NGLY1: variants seen among roughly 807,000 people sequenced by gnomAD.
NGLY1 encodes the protein peptide-N(4)-(N-acetyl-beta-glucosaminyl)asparagine amidase.
Under a neutral mutation model 84.6 loss-of-function variants are expected in NGLY1, and 68 were observed. That is an observed-to-expected ratio of 0.80 (90% CI 0.66 to 0.98). NGLY1 has a LOEUF of 0.98. Ranked by LOEUF, NGLY1 falls within the 50% of genes least tolerant of loss-of-function variation. The probability of loss-of-function intolerance (pLI) is 0.00; values close to 1 mark genes in which losing one functional copy is unlikely to be tolerated. For missense variants in NGLY1, 779 were observed against 770.2 expected, an observed-to-expected ratio of 1.01 and a Z score of -0.14; for synonymous variants, 280 against 275.2, an observed-to-expected ratio of 1.02 and a Z score of -0.17.
intron 10 of NGLY1, among the ~76,000 whole-genome samples, chr3:25,723,668 A>G (rs565180933): frequency 2.8e-4 from 43 of 151,818 alleles, no homozygotes; most frequent in African/African-American, 9.9e-4. Context: ...TAGTGTAGAG[A>G]AAAAAAATTT....
At chr3:25,760,229 T>C (rs564419410) in intron 3 of NGLY1, among the ~76,000 whole-genome samples, 1 of 152,286 alleles carries the variant, frequency 6.6e-6, no homozygotes, top group South Asian at 2.1e-4. Flanking sequence ...AAGATGTTTG[T>C]GTATGGCCTT....
intron 3 of NGLY1, among the ~76,000 whole-genome samples, chr3:25,761,117 GTAA>G (rs1254963941): frequency 6.6e-6 from 1 of 152,054 alleles, no homozygotes; most frequent in Non-Finnish European, 1.5e-5. Flanking sequence ...TAAACTGGCA[GTAA>G]TTTCTAGAGT....
intron 4 of NGLY1, among the ~76,000 whole-genome samples, chr3:25,743,288 T>C (rs900417536): frequency 2.1e-4 from 32 of 152,318 alleles, no homozygotes; most frequent in African/African-American, 7.7e-4. Flanking sequence ...TAATTTGTTA[T>C]AGTAGCCCCA....
intron 2 of NGLY1, among the ~76,000 whole-genome samples, chr3:25,773,352 T>C (rs185334308): frequency 6.6e-6 from 1 of 152,292 alleles, no homozygotes; most frequent in African/African-American, 2.4e-5. Flanking sequence ...TTTGTTGGAT[T>C]GGGTTAATAC....
chr3:25,723,722 T>C (rs1401529989), intron 10 of NGLY1, among the ~76,000 whole-genome samples: 1 of 152,234 alleles, frequency 6.6e-6, no homozygotes, highest in Non-Finnish European at 1.5e-5. Context: ...AGTTATTTGA[T>C]AGACATATTT....
intron 4 of NGLY1, among the ~76,000 whole-genome samples, chr3:25,743,645 T>G (rs900301645): frequency 2.6e-5 from 4 of 152,122 alleles, no homozygotes; most frequent in African/African-American, 9.7e-5. Context: ...ACACTTAGTG[T>G]TCTGCTTGCT....
chr3:25,784,070 A>G (rs1470898152), upstream of NGLY1: 1 of 152,228 alleles, frequency 6.6e-6, no homozygotes, highest in Non-Finnish European at 1.5e-5. Flanking sequence ...GCAGATTGTC[A>G]GGACGTTCTA....
chr3:25,755,773 C>A, intron 3 of NGLY1: 1 of 742,438 alleles, frequency 1.3e-6, no homozygotes, highest in Non-Finnish European at 2.2e-6. Flanking sequence ...CTCGTTTTAC[C>A]TTAAAAGACT....
exon 1 of NGLY1, chr3:25,789,984 C>G: frequency 7.8e-7 from 1 of 1,281,188 alleles, no homozygotes; most frequent in East Asian, 2.5e-5. Context: ...CAAGGTGACG[C>G]GGCTTAAAGT....
chr3:25,730,819 CTTTAA>C (rs1340863392), intron 9 of NGLY1, among the ~76,000 whole-genome samples: 1 of 152,066 alleles, frequency 6.6e-6, no homozygotes, highest in African/African-American at 2.4e-5. Flanking sequence ...ATAAATACAA[CTTTAA>C]TTTGTTTGGA....
chr3:25,721,415 A>C (rs1360907663), intron 10 of NGLY1, among the ~76,000 whole-genome samples: 1 of 152,140 alleles, frequency 6.6e-6, no homozygotes, highest in South Asian at 2.1e-4. Context: ...ATGTACAGCA[A>C]GTACTTGGTT....
At chr3:25,783,600 G>A (rs1708530797), upstream of NGLY1, 1 of 429,546 alleles carries the variant, frequency 2.3e-6, no homozygotes, top group East Asian at 5.9e-5. This position sits in a 1 kb window ranked among gnomAD's most constrained non-coding sequence, Gnocchi z 4.5. Flanking sequence ...GCCGGCAGGG[G>A]CGGGGTCGGG....
Position 25,783,439 on chromosome 3 carries a change from A to T in NGLY1, c.-49T>A. 6.8e-7 allele frequency: 1 copy of T among 1,478,718 alleles called. No homozygotes were observed. The highest frequency in any genetic ancestry group is 1.3e-5 in the South Asian group (1 of 76,578). The allele number at this position is 1,478,718 out of a possible 1,614,324, so 91.6% of individuals were successfully genotyped here. On this transcript the variant is annotated 5_prime_UTR_variant, in exon 1 of 12. Coordinates refer to ENST00000280700, the MANE Select transcript of NGLY1 (RefSeq NM_018297.4). The surrounding 1 kb of genome is among the most constrained non-coding windows in gnomAD (Gnocchi z 4.5). ...CGCCGCCCCTCGCTCTCCGCGTCCCACACTGAGCAGGCGCCTCAGCGCGCA... is the reference window on the plus strand; with the variant it reads ...CGCCGCCCCTCGCTCTCCGCGTCCCTCACTGAGCAGGCGCCTCAGCGCGCA...
At chr3:25,778,160 A>C (rs1708242544) in intron 2 of NGLY1, 1 of 152,788 alleles carries the variant, frequency 6.5e-6, no homozygotes, top group South Asian at 2.1e-4. Flanking sequence ...TCACAGAAGA[A>C]ACCCCTTCTG....
chr3:25,770,273 C>T (rs185454807), intron 2 of NGLY1, among the ~76,000 whole-genome samples: 99 of 152,280 alleles, frequency 6.5e-4, no homozygotes, highest in African/African-American at 2.2e-3. Flanking sequence ...CTCAGCCTCC[C>T]GAGTAGCTGG....
At chr3:25,729,489 T>A in intron 9 of NGLY1, 171 bp from the exon 10 acceptor site, 1 of 378,680 alleles carries the variant, frequency 2.6e-6, no homozygotes. Context: ...CAGTATGATG[T>A]TATTATAACT....
intron 10 of NGLY1, among the ~76,000 whole-genome samples, chr3:25,727,280 A>G (rs1177329839): frequency 2.0e-5 from 3 of 152,258 alleles, no homozygotes; most frequent in Non-Finnish European, 2.9e-5. Flanking sequence ...TCATAAAAGT[A>G]TATCAAGGCA....
chr3:25,759,108 C>A (rs1707180584), intron 3 of NGLY1, among the ~76,000 whole-genome samples: 1 of 152,076 alleles, frequency 6.6e-6, no homozygotes, highest in Non-Finnish European at 1.5e-5. Flanking sequence ...CAAGATGGGG[C>A]ACTGTCCATG....
At chr3:25,732,149 A>G (rs965470740) in intron 9 of NGLY1, among the ~76,000 whole-genome samples, 170 bp downstream of exon 9, 21 of 152,200 alleles carry the variant, frequency 1.4e-4, no homozygotes, top group Admixed American at 7.9e-4. Flanking sequence ...CTTACACGAT[A>G]ATGCTATGTA....
Sources: allele counts gnomAD v4.1 joint callset (sites outside exome capture counted in the v4.1 genomes callset), GRCh38; gene constraint gnomAD v4.1.1; non-coding constraint Gnocchi (gnomAD v3.1); transcripts MANE v1.5; gene names NCBI Gene and HGNC (gene_info 2026-07-23, HGNC 2026-07-21).